The following UBE4B variants were observed in gnomAD, a reference collection of about 807,000 sequenced individuals.
UBE4B encodes ubiquitin conjugation factor E4 B.
In UBE4B, 27 loss-of-function variants were observed where a neutral mutation model predicts 148.1. That is an observed-to-expected ratio of 0.18 (90% CI 0.13 to 0.25). The LOEUF (loss-of-function observed/expected upper bound fraction) is 0.25. Ranked by LOEUF, UBE4B falls within the 10% of genes least tolerant of loss-of-function variation. The pLI is 1.00. For missense variants in UBE4B, 1,170 were observed against 1,662.4 expected, an observed-to-expected ratio of 0.70 and a Z score of 5.15; for synonymous variants, 596 against 619.3, an observed-to-expected ratio of 0.96 and a Z score of 0.56.
In UBE4B at chr1:10,103,078, A is replaced by G; in HGVS notation, c.566A>G (p.Gln189Arg). ...TCTTCTCTTTCTGCACAGTTTAAGCAGAACCCAAAAGAAGGTAGGAATCTA... is the reference window on the plus strand; with the variant it reads ...TCTTCTCTTTCTGCACAGTTTAAGCGGAACCCAAAAGAAGGTAGGAATCTA... ...FLSSLSAQFK[Q>R]NPKEVFSDFK... The change falls in exon 5 of 28, where the codon CAG (glutamine) becomes CGG (arginine). Residue 189 changes from glutamine to arginine, a missense_variant. Around this residue, in one of 6 missense-constraint regions of UBE4B, gnomAD observed 91 missense variants for 120.5 expected, o/e 0.76. Coordinates refer to ENST00000343090, the MANE Select transcript of UBE4B (RefSeq NM_001105562.3). 6.2e-7 allele frequency: 1 copy of G among 1,602,802 alleles called. No homozygotes were observed. The highest frequency in any genetic ancestry group is 8.5e-7 in the Non-Finnish European group (1 of 1,173,374).
At chr1:10,065,909 C>CA (rs1346149326) in intron 1 of UBE4B, among the ~76,000 whole-genome samples, 1 of 152,228 alleles carries the variant, frequency 6.6e-6, no homozygotes, top group East Asian at 1.9e-4. Flanking sequence ...TACCCTTTTG[C>CA]AACCGGCTTT....
At position 10,168,312 on chromosome 1, in the gene UBE4B, A is replaced by G. The variant is rs757437020; in HGVS notation, c.3333+42A>G. ...GGCTCTGTTTGGTGGTTTGGACTCC[A>G]CATTCAGACTCTCTCACTTATAACT... On this transcript the variant is annotated intron_variant, in intron 24 of 27. Transcript: ENST00000343090. The surrounding 1 kb of genome is among the most constrained non-coding windows in gnomAD (Gnocchi z 4.9). 1.2e-6 allele frequency: 2 copies of G among 1,605,358 alleles called. No homozygotes were observed. The highest frequency in any genetic ancestry group is 1.1e-5 in the South Asian group (1 of 89,918).
At chr1:10,056,463 T>C (rs1027551760) in intron 1 of UBE4B, among the ~76,000 whole-genome samples, 1 of 152,224 alleles carries the variant, frequency 6.6e-6, no homozygotes, top group African/African-American at 2.4e-5. Flanking sequence ...GGTACTGTCA[T>C]AGTTGCTGGG....
chr1:10,122,593 G>A (rs887573712), intron 10 of UBE4B, among the ~76,000 whole-genome samples: 1 of 152,174 alleles, frequency 6.6e-6, no homozygotes, highest in Non-Finnish European at 1.5e-5. Flanking sequence ...GTATCTCATT[G>A]TGTAAAGCCA....
At chr1:10,131,003 T>C (rs1302601722) in intron 14 of UBE4B, among the ~76,000 whole-genome samples, 190 bp downstream of exon 14, 1 of 152,236 alleles carries the variant, frequency 6.6e-6, no homozygotes, top group African/African-American at 2.4e-5. Context: ...AACAGCAGTA[T>C]GCTGCCTTTG....
intron 24 of UBE4B, among the ~76,000 whole-genome samples, chr1:10,169,520 C>G (rs560083219): frequency 6.6e-6 from 1 of 152,336 alleles, no homozygotes; most frequent in East Asian, 1.9e-4. Context: ...AGACACTGGC[C>G]TCCCTTAAAA....
intron 5 of UBE4B, 90 bp downstream of exon 5, chr1:10,103,182 C>A: frequency 7.3e-7 from 1 of 1,370,554 alleles, no homozygotes; most frequent in Middle Eastern, 2.7e-4. Flanking sequence ...ACATTCACTC[C>A]ATCTTGCTCT....
intron 7 of UBE4B, among the ~76,000 whole-genome samples, chr1:10,112,691 T>G (rs1645241673): frequency 1.3e-5 from 2 of 152,208 alleles, no homozygotes; most frequent in African/African-American, 4.8e-5. Flanking sequence ...ATAGCATAAA[T>G]TTATGCATGT....
chr1:10,128,786 T>C (rs1645543861), intron 11 of UBE4B: 1 of 152,314 alleles, frequency 6.6e-6, no homozygotes, highest in Non-Finnish European at 1.5e-5. Flanking sequence ...AATGTTTGAT[T>C]GAGTTACCAT....
intron 1 of UBE4B, among the ~76,000 whole-genome samples, chr1:10,035,959 T>A (rs1643511541): frequency 6.6e-6 from 1 of 151,378 alleles, no homozygotes; most frequent in Non-Finnish European, 1.5e-5. Context: ...TAGCCCAGGA[T>A]GGTCTCAATC....
rs1645804639 is a variant in UBE4B at position 10,142,815 on chromosome 1, A to T, written c.2364-2125A>T. On this transcript the variant is annotated intron_variant, in intron 17 of 27. Coordinates refer to ENST00000343090, the MANE Select transcript of UBE4B (RefSeq NM_001105562.3). The stretch of plus-strand genomic sequence containing the variant: ...ACCTTACTGTATTTTCAAAGCCAGC[A>T]ACATAGTATCTTTAGATCTCCTTCG... Among the ~76,000 whole-genome samples, 3 of 152,034 alleles carry T rather than the reference A, an allele frequency of 2.0e-5. No individual in the cohort carries two copies. The South Asian group carries it at 6.2e-4, about 32-fold the overall frequency.
intron 1 of UBE4B, among the ~76,000 whole-genome samples, chr1:10,034,075 T>C (rs1167171294): frequency 6.6e-6 from 1 of 152,206 alleles, no homozygotes; most frequent in Non-Finnish European, 1.5e-5. Context: ...GGAATGAGAA[T>C]GTATGGTGGG....
chr1:10,044,538 C>CCTTCCTTCCTTACT, intron 1 of UBE4B, among the ~76,000 whole-genome samples: 1 of 150,972 alleles, frequency 6.6e-6, no homozygotes, highest in Non-Finnish European at 1.5e-5. Context: ...CCTTCCTTAC[C>CCTTCCTTCCTTACT]CTTCCTTCCT....
At chr1:10,035,696 G>T (rs984225919) in intron 1 of UBE4B, among the ~76,000 whole-genome samples, 1 of 149,962 alleles carries the variant, frequency 6.7e-6, no homozygotes, top group Non-Finnish European at 1.5e-5. Context: ...GTGAGCCACC[G>T]TGACCGGCCA....
chr1:10,129,292 G>A, intron 11 of UBE4B, 100 bp from the exon 12 acceptor site: 3 of 1,105,590 alleles, frequency 2.7e-6, no homozygotes, highest in South Asian at 1.6e-5. Context: ...CATTTTAGAG[G>A]GAACGAATTT....
At chr1:10,066,845 GCAGTGAGCCAAGAT>G in intron 1 of UBE4B, among the ~76,000 whole-genome samples, 1 of 152,190 alleles carries the variant, frequency 6.6e-6, no homozygotes, top group Non-Finnish European at 1.5e-5. Flanking sequence ...GGCAGAGGTT[GCAGTGAGCCAAGAT>G]CACGCTACCG....
intron 2 of UBE4B, among the ~76,000 whole-genome samples, chr1:10,087,697 G>T (rs1644786021): frequency 6.6e-6 from 1 of 152,150 alleles, no homozygotes; most frequent in Admixed American, 6.6e-5. Context: ...GATGTCCCTG[G>T]TGCTGTTAAA....
chr1:10,033,669 C>T lies in UBE4B; in HGVS notation c.-2C>T, dbSNP rs1214183544. 1.3e-6 allele frequency: 2 copies of T among 1,569,566 alleles called. No homozygotes were observed. Among genetic ancestry groups the T allele is most frequent in the Admixed American group, 1.9e-5 (1 of 52,982 alleles). On this transcript the variant is annotated 5_prime_UTR_variant, in exon 1 of 28. Transcript: ENST00000343090. Reference sequence around the variant, plus strand: ...ACGCCTTTCACCATTAAGAGGAAAGCGATGGAGGAGCTGAGCGCTGATGAG... The same window carrying T: ...ACGCCTTTCACCATTAAGAGGAAAGTGATGGAGGAGCTGAGCGCTGATGAG...
Position 10,072,085 on chromosome 1 carries a change from C to T in UBE4B, c.82C>T (p.Pro28Ser). 1 of 1,613,104 alleles carries T rather than the reference C, an allele frequency of 6.2e-7. No individual in the cohort carries two copies. The highest frequency in any genetic ancestry group is 8.5e-7 in the Non-Finnish European group (1 of 1,179,650). The change falls in exon 2 of 28, where the codon CCA (proline) becomes TCA (serine). Residue 28 changes from proline (P) to serine (S), a missense_variant. Physicochemically the swap from Pro to Ser is moderately conservative, Grantham distance 74. This residue lies in a region of UBE4B where 127 missense variants were observed against 153.2 expected (regional missense o/e 0.83). Transcript: ENST00000343090. ...TGGACAGACCTCTCAGCCAACCACC[C>T]CACTCACCTCTCCCCAGAGGGAGAA... The part of the protein sequence containing the change: ...AGGQTSQPTT[P>S]LTSPQRENPP...
Sources: gnomAD v4.1 joint callset for allele counts (sites outside exome capture counted in the v4.1 genomes callset) on GRCh38, gnomAD v4.1.1 for gene constraint, gnomAD v4.1.1 regional missense constraint, Gnocchi (gnomAD v3.1) non-coding constraint, MANE v1.5 for transcripts, NCBI Gene and HGNC (gene_info 2026-07-23, HGNC 2026-07-21) for gene names.